Variants in PI4KA observed in about 807,000 individuals in gnomAD.
PI4KA encodes the protein phosphatidylinositol 4-kinase alpha, also known as PI4-kinase alpha.
PI4KA carries 122 observed loss-of-function variants against 271.4 expected under a neutral mutation model. That is an observed-to-expected ratio of 0.45 (90% CI 0.39 to 0.52). The LOEUF (loss-of-function observed/expected upper bound fraction) is 0.52. Ranked by LOEUF, PI4KA falls within the 20% of genes least tolerant of loss-of-function variation. The pLI is 0.00. For synonymous variants in PI4KA, 1,041 were observed against 1,078.8 expected (o/e 0.96, Z 0.69); for missense variants, 1,969 against 2,769.1 (o/e 0.71, Z 6.48).
At chr22:20,788,581 T>C (rs1934426294) in intron 19 of PI4KA, among the ~76,000 whole-genome samples, 1 of 152,232 alleles carries the variant, frequency 6.6e-6, no homozygotes, top group South Asian at 2.1e-4. Context: ...CCCTGCTCCC[T>C]TCCTGACTTC....
chr22:20,767,548 G>T (rs1306343666), intron 19 of PI4KA, among the ~76,000 whole-genome samples: 15 of 151,766 alleles, frequency 9.9e-5, no homozygotes, highest in Non-Finnish European at 2.2e-4. Flanking sequence ...CACTGACCTC[G>T]ATCTCCCAGG....
intron 1 of PI4KA, among the ~76,000 whole-genome samples, chr22:20,843,653 T>A (rs1358462156): frequency 1.3e-5 from 2 of 151,428 alleles, no homozygotes; most frequent in East Asian, 3.9e-4. Context: ...GTTGCACAGA[T>A]GCAACCAGCA....
chr22:20,790,859 T>C (rs565293679), intron 19 of PI4KA, among the ~76,000 whole-genome samples: 1 of 152,072 alleles, frequency 6.6e-6, no homozygotes, highest in Non-Finnish European at 1.5e-5. Flanking sequence ...AATCAAATAT[T>C]TGTTTCCTCC....
At chr22:20,738,900 C>CAGACATAAGAA (rs1248697461) in intron 32 of PI4KA, among the ~76,000 whole-genome samples, 1 of 151,950 alleles carries the variant, frequency 6.6e-6, no homozygotes, top group Admixed American at 6.6e-5. Context: ...GAGGAGCCAC[C>CAGACATAAGAA]AGACATAAGA....
Position 20,724,703 on chromosome 22 carries a change from C to T in PI4KA, c.4995+1785G>A, listed in dbSNP as rs112905927. 9.8e-3 allele frequency among the ~76,000 whole-genome samples: 1,485 copies of T among 152,272 alleles called. 12 individuals carry two copies. Among genetic ancestry groups the T allele is most frequent in the Middle Eastern group, 0.061 (18 of 294 alleles). ...AGTCCTGAGTTGGTACAACCACACA[C>T]AGAAGAATCATTTCAGGCGGCCTTT... is the stretch of plus-strand genomic sequence containing the variant. On this transcript the variant is annotated intron_variant, in intron 42 of 54. Transcript: ENST00000255882.
chr22:20,756,328 C>G (rs910898930), intron 23 of PI4KA, among the ~76,000 whole-genome samples: 2 of 151,628 alleles, frequency 1.3e-5, no homozygotes, highest in Non-Finnish European at 2.9e-5. Context: ...TCAAGCAATT[C>G]TCCTGTCTCA....
At chr22:20,818,006 T>A (rs2147684522) in intron 7 of PI4KA, among the ~76,000 whole-genome samples, 1 of 152,052 alleles carries the variant, frequency 6.6e-6, no homozygotes, top group South Asian at 2.1e-4. Context: ...GTGCCTGTAA[T>A]CCCAGCTACT....
At chr22:20,796,383 G>C (rs867036308) in intron 17 of PI4KA, 69 bp from the exon 18 acceptor site, 1 of 1,489,944 alleles carries the variant, frequency 6.7e-7, no homozygotes, top group Middle Eastern at 2.0e-4. Flanking sequence ...CGGCACTGCA[G>C]GGGTGAGGCG....
rs771181676 is a variant in PI4KA at position 20,803,261 on chromosome 22, C to T, written c.1521G>A (p.Leu507=). The change falls in exon 13 of 55, where the codon TTG becomes TTA. Residue 507 remains leucine, a synonymous_variant. Transcript: ENST00000255882. ...PVVVHSVTPS[L]RDFLVIPSPV... is the part of the protein sequence containing the mutation. ...GGGACGGGATGACCAGGAAGTCTCG[C>T]AAGGACGGTGTCACAGAGTGCACCA... is the stretch of plus-strand genomic sequence containing the variant. 4 of 1,614,160 alleles carry T rather than the reference C, an allele frequency of 2.5e-6. No homozygotes were observed. The South Asian group carries it at 3.3e-5, about 13-fold the overall frequency.
intron 1 of PI4KA, among the ~76,000 whole-genome samples, chr22:20,843,785 T>A (rs1413789271): frequency 2.0e-5 from 3 of 152,150 alleles, no homozygotes; most frequent in Non-Finnish European, 2.9e-5. Context: ...TCCTTCTCAT[T>A]TTGTCTCTTC....
intron 23 of PI4KA, among the ~76,000 whole-genome samples, chr22:20,756,168 G>A (rs1485577895): frequency 6.6e-6 from 1 of 151,876 alleles, no homozygotes; most frequent in Non-Finnish European, 1.5e-5. Context: ...GGTTGGGTGG[G>A]TGAAATCTTA....
At chr22:20,779,179 A>G in intron 19 of PI4KA, 2 of 1,568,690 alleles carry the variant, frequency 1.3e-6, no homozygotes, top group South Asian at 2.3e-5. Context: ...ACAGTTAAGA[A>G]CTAATGCTGT....
chr22:20,731,358 T>C (rs1272531576), intron 36 of PI4KA, among the ~76,000 whole-genome samples: 1 of 152,218 alleles, frequency 6.6e-6, no homozygotes, highest in Non-Finnish European at 1.5e-5. Flanking sequence ...AAAGCTGCCT[T>C]AGAAAGTCAC....
At chr22:20,825,719 C>T (rs1923319016) in intron 3 of PI4KA, among the ~76,000 whole-genome samples, 1 of 152,138 alleles carries the variant, frequency 6.6e-6, no homozygotes, top group African/African-American at 2.4e-5. Flanking sequence ...AATACTGGCA[C>T]AAACAGAATG....
Position 20,764,884 on chromosome 22 carries a change from G to A in PI4KA, c.2641C>T (p.Leu881Phe), listed in dbSNP as rs1371847543. 4 of 1,613,770 alleles carry A rather than the reference G, an allele frequency of 2.5e-6. No individual in the cohort carries two copies. The highest frequency in any genetic ancestry group is 1.6e-4 in the Middle Eastern group (1 of 6,062). The change falls in exon 22 of 55, where the codon CTC (leucine) becomes TTC (phenylalanine). Residue 881 changes from leucine (L) to phenylalanine (F), a missense_variant. Coordinates refer to ENST00000255882, the MANE Select transcript of PI4KA (RefSeq NM_058004.4). ...LLDPPPEVSA[L>F]INKLDFAMST... Reference sequence around the variant, plus strand: ...ATGGCGAAGTCCAGCTTGTTGATGAGTGCGGACACCTCGGGAGGGGGGTCC... The same window carrying A: ...ATGGCGAAGTCCAGCTTGTTGATGAATGCGGACACCTCGGGAGGGGGGTCC...
chr22:20,855,980 T>C (rs1209638231), intron 1 of PI4KA, among the ~76,000 whole-genome samples: 1 of 152,204 alleles, frequency 6.6e-6, no homozygotes, highest in East Asian at 1.9e-4. Context: ...TCACTCTTCT[T>C]CACAGAAGTG....
intron 9 of PI4KA, among the ~76,000 whole-genome samples, chr22:20,809,386 A>G (rs974175767): frequency 6.6e-5 from 10 of 152,160 alleles, no homozygotes; most frequent in African/African-American, 2.2e-4. Context: ...CTGATTATGG[A>G]TACTGAGTAA....
At chr22:20,813,935 A>G (rs941011424) in intron 7 of PI4KA, among the ~76,000 whole-genome samples, 2 of 152,172 alleles carry the variant, frequency 1.3e-5, no homozygotes, top group African/African-American at 4.8e-5. Flanking sequence ...AGTAGCTGGA[A>G]TAACAGATGC....
chr22:20,822,433 T>C (rs1352729167), intron 4 of PI4KA, among the ~76,000 whole-genome samples: 2 of 152,354 alleles, frequency 1.3e-5, no homozygotes, highest in South Asian at 2.1e-4. Context: ...GTAGTTGGTA[T>C]TTTTTATCTT....
Sources: gnomAD v4.1 joint callset for allele counts (sites outside exome capture counted in the v4.1 genomes callset) on GRCh38, gnomAD v4.1.1 for gene constraint, MANE v1.5 for transcripts, NCBI Gene and HGNC (gene_info 2026-07-23, HGNC 2026-07-21) for gene names.